The following GRAMD1B variants were observed in gnomAD, a reference collection of about 807,000 sequenced individuals.
The protein encoded by GRAMD1B is protein Aster-B.
GRAMD1B carries 37 observed loss-of-function variants against 99.7 expected under a neutral mutation model. The observed-to-expected ratio is 0.37, with a 90% CI of 0.29 to 0.49. The LOEUF is 0.49. Ranked by LOEUF, GRAMD1B falls within the 20% of genes least tolerant of loss-of-function variation. The pLI is 0.98. For synonymous variants in GRAMD1B, 427 were observed against 387.6 expected (o/e 1.10, Z -1.19); for missense variants, 888 against 1,009.2 (o/e 0.88, Z 1.63).
At chr11:123,622,426 G>T in intron 19 of GRAMD1B, 80 bp from the exon 20 acceptor site, 2 of 846,958 alleles carry the variant, frequency 2.4e-6, no homozygotes, top group Admixed American at 2.0e-5. Flanking sequence ...CCCTAGGCGG[G>T]TGTGGGGAGA....
At chr11:123,604,782 G>A (rs1477214629) in intron 9 of GRAMD1B, among the ~76,000 whole-genome samples, 2 of 152,120 alleles carry the variant, frequency 1.3e-5, no homozygotes, top group African/African-American at 2.4e-5. Flanking sequence ...AGGCTACAGC[G>A]GCATCCCTGA....
intron 1 of GRAMD1B, among the ~76,000 whole-genome samples, chr11:123,367,618 G>A (rs146354659): frequency 1.3e-5 from 2 of 152,340 alleles, no homozygotes; most frequent in African/African-American, 4.8e-5. Context: ...AATGAGGCCG[G>A]CGTGATGAGT....
chr11:123,601,228 A>G (rs75440450), intron 8 of GRAMD1B, among the ~76,000 whole-genome samples: 1,525 of 152,232 alleles, frequency 0.01, 30 homozygotes, highest in African/African-American at 0.035. Context: ...CCACAACTTA[A>G]AGTACAGAAA....
At position 123,378,661 on chromosome 11, in the gene GRAMD1B, C is replaced by G. The variant is rs541643670; in HGVS notation, c.-176+19862C>G. Among the ~76,000 whole-genome samples the G allele has an allele frequency of 1.5e-4, 23 of 152,210 alleles. No individual in the cohort carries two copies. In the South Asian group the frequency reaches 4.2e-3, roughly 27 times the overall value. On this transcript the variant is annotated intron_variant, in intron 1 of 20. Transcript: ENST00000638157. The stretch of plus-strand genomic sequence containing the variant: ...TTCGGCCTTTGAAAAACCAATGAAG[C>G]AGGGAAAACAGCCACTGAATATGTT...
rs767104181 is a variant in GRAMD1B, at chr11:123,449,714, C to CTTTTTTTTTTTTTTTTTTTTTTTT, written c.374+18565_374+18566insTTTTTTTTTTTTTTTTTTTTTTTT. Reference sequence around the variant, plus strand: ...TGCAGATGCATGCCACCATGCCTGGCTTTTTTTTTTTTTTTTTGAGACAGG... The same window carrying CTTTTTTTTTTTTTTTTTTTTTTTT: ...TGCAGATGCATGCCACCATGCCTGGCTTTTTTTTTTTTTTTTTTTTTTTTTTTTTTTTTTTTTTTTTGAGACAGG... On this transcript the variant is annotated intron_variant, in intron 1 of 19. Transcript: ENST00000635736. Among the ~76,000 whole-genome samples the CTTTTTTTTTTTTTTTTTTTTTTTT allele has an allele frequency of 5.4e-4, 54 of 99,960 alleles. 11 individuals are homozygous for CTTTTTTTTTTTTTTTTTTTTTTTT. Among genetic ancestry groups the CTTTTTTTTTTTTTTTTTTTTTTTT allele is most frequent in the Middle Eastern group, 0.01 (2 of 198 alleles). 65.6% of individuals were successfully genotyped at this position (99,960 alleles called of 152,430 possible).
At chr11:123,499,396 T>C (rs1939625818) in intron 2 of GRAMD1B, among the ~76,000 whole-genome samples, 2 of 152,190 alleles carry the variant, frequency 1.3e-5, no homozygotes, top group East Asian at 3.9e-4. Flanking sequence ...GGTATTCTGT[T>C]ATCGCAACAG....
In GRAMD1B at chr11:123,507,533, G is replaced by A. The variant is rs1940557221; in HGVS notation, c.452+26640G>A. The stretch of plus-strand genomic sequence containing the variant: ...GAAAAAAAACACGTTCCTCTAACAG[G>A]ATGTGTGCCTGTATCAGGATATACA... On this transcript the variant is annotated intron_variant, in intron 2 of 19. Coordinates refer to ENST00000635736, the MANE Select transcript of GRAMD1B (RefSeq NM_001387025.1). 2.6e-5 allele frequency among the ~76,000 whole-genome samples: 4 copies of A among 152,290 alleles called. No individual in the cohort carries two copies. The South Asian group carries it at 8.3e-4, about 32-fold the overall frequency.
At chr11:123,618,356 G>C in intron 17 of GRAMD1B, 2 of 1,612,648 alleles carry the variant, frequency 1.2e-6, no homozygotes, top group Admixed American at 1.7e-5. Context: ...ATCTGTTTCA[G>C]GTACTGGCTC....
chr11:123,511,711 G>A (rs575696698), intron 2 of GRAMD1B, among the ~76,000 whole-genome samples: 168 of 152,286 alleles, frequency 1.1e-3, no homozygotes, highest in African/African-American at 3.8e-3. Flanking sequence ...GACTTCTGGA[G>A]CAGGTTGGGT....
Position 123,593,857 on chromosome 11 carries a change from C to T in GRAMD1B, c.685-225C>T, listed in dbSNP as rs117179159. Reference sequence around the variant, plus strand: ...TCCTTGCTGTGTCTGGCATTTCTCACTGGTGGAGGCCCTGGCTGCATAGTG... The same window carrying T: ...TCCTTGCTGTGTCTGGCATTTCTCATTGGTGGAGGCCCTGGCTGCATAGTG... On this transcript the variant is annotated intron_variant, in intron 4 of 19. Transcript: ENST00000635736. 4.1e-3 allele frequency among the ~76,000 whole-genome samples: 627 copies of T among 152,272 alleles called. 4 individuals are homozygous for T. The highest frequency in any genetic ancestry group is 0.014 in the South Asian group (68 of 4,826).
At chr11:123,589,949 G>A (rs572637191) in intron 4 of GRAMD1B, among the ~76,000 whole-genome samples, 2 of 152,078 alleles carry the variant, frequency 1.3e-5, no homozygotes, top group African/African-American at 2.4e-5. Context: ...TGTTTTAAGG[G>A]TCTGACTTTT....
At chr11:123,605,568 G>A in intron 10 of GRAMD1B, 90 bp downstream of exon 10, 1 of 1,017,120 alleles carries the variant, frequency 9.8e-7, no homozygotes, top group Non-Finnish European at 1.4e-6. Context: ...TGGGGAGCAG[G>A]TAGAGAGGAG....
intron 2 of GRAMD1B, among the ~76,000 whole-genome samples, chr11:123,530,055 C>A (rs1943195162): frequency 6.6e-6 from 1 of 152,096 alleles, no homozygotes; most frequent in Non-Finnish European, 1.5e-5. Flanking sequence ...TGGAAAAGGG[C>A]TTAGTCCTCA....
At chr11:123,383,010 C>T (rs1946934835) in intron 1 of GRAMD1B, among the ~76,000 whole-genome samples, 1 of 152,164 alleles carries the variant, frequency 6.6e-6, no homozygotes, top group African/African-American at 2.4e-5. Context: ...AAGGGCCAGC[C>T]TCCTGGGTCA....
chr11:123,542,278 T>C (rs1944611177), intron 2 of GRAMD1B, among the ~76,000 whole-genome samples: 1 of 152,240 alleles, frequency 6.6e-6, no homozygotes, highest in Non-Finnish European at 1.5e-5. Context: ...TAATGTAAGA[T>C]AGCAGCTCTT....
At chr11:123,393,637 A>G (rs1379724453) in intron 1 of GRAMD1B, among the ~76,000 whole-genome samples, 2 of 152,188 alleles carry the variant, frequency 1.3e-5, no homozygotes, top group African/African-American at 4.8e-5. Context: ...CTTCTCCCAG[A>G]ATGAATGATC....
intron 9 of GRAMD1B, 46 bp downstream of exon 9, chr11:123,603,587 C>A: frequency 1.8e-6 from 2 of 1,116,464 alleles, no homozygotes; most frequent in Non-Finnish European, 2.7e-6. Context: ...CGTGCGAGTG[C>A]CTGCAGGAAG....
upstream of GRAMD1B, among the ~76,000 whole-genome samples, chr11:123,425,920 A>T (rs183024558): frequency 6.6e-6 from 1 of 152,268 alleles, no homozygotes; most frequent in East Asian, 1.9e-4. Context: ...CATGGGGAGG[A>T]GTTTAAGTTA....
intron 1 of GRAMD1B, among the ~76,000 whole-genome samples, chr11:123,455,541 C>T (rs1485697083): frequency 2.0e-5 from 3 of 152,196 alleles, no homozygotes; most frequent in African/African-American, 7.2e-5. Flanking sequence ...TGCTATCGAA[C>T]TGCTGCGCTC....
Sources: gnomAD v4.1 joint callset for allele counts (sites outside exome capture counted in the v4.1 genomes callset) on GRCh38, gnomAD v4.1.1 for gene constraint, MANE v1.5 for transcripts, NCBI Gene and HGNC (gene_info 2026-07-23, HGNC 2026-07-21) for gene names.